Variants in RAP1GDS1 observed in about 807,000 individuals in gnomAD.
RAP1GDS1 encodes the protein Rap1 GTPase-GDP dissociation stimulator 1.
RAP1GDS1 carries 35 observed loss-of-function variants against 71.1 expected under a neutral mutation model. The observed-to-expected ratio is 0.49, with a 90% CI of 0.38 to 0.65. The LOEUF is 0.65. Ranked by LOEUF, RAP1GDS1 falls within the 30% of genes least tolerant of loss-of-function variation. The probability of loss-of-function intolerance (pLI) is 0.00; values close to 1 mark genes in which losing one functional copy is unlikely to be tolerated. For synonymous variants in RAP1GDS1, 229 were observed against 243.1 expected, an observed-to-expected ratio of 0.94 and a Z score of 0.54; for missense variants, 663 against 706.1, an observed-to-expected ratio of 0.94 and a Z score of 0.69.
At chr4:98,436,477 G>T (rs866399841) in intron 13 of RAP1GDS1, among the ~76,000 whole-genome samples, 13 of 152,106 alleles carry the variant, frequency 8.5e-5, no homozygotes, top group African/African-American at 3.1e-4. Flanking sequence ...AATCTTGCTA[G>T]GATTTTGATT....
intron 2 of RAP1GDS1, among the ~76,000 whole-genome samples, chr4:98,320,819 GA>G (rs1284562601): frequency 7.6e-6 from 1 of 132,198 alleles, no homozygotes; most frequent in African/African-American, 2.9e-5. Flanking sequence ...CAAAGATGGG[GA>G]AAAAACAGAA....
intron 1 of RAP1GDS1, among the ~76,000 whole-genome samples, chr4:98,272,310 G>A (rs961915949): frequency 6.6e-6 from 1 of 152,144 alleles, no homozygotes; most frequent in African/African-American, 2.4e-5. Flanking sequence ...TATTCCTGTA[G>A]CATTAAAATC....
At chr4:98,281,068 G>T (rs1223573090) in intron 1 of RAP1GDS1, among the ~76,000 whole-genome samples, 1 of 152,146 alleles carries the variant, frequency 6.6e-6, no homozygotes, top group Non-Finnish European at 1.5e-5. Context: ...TGTTCTTTTT[G>T]CATAGGATTG....
intron 11 of RAP1GDS1, among the ~76,000 whole-genome samples, chr4:98,420,562 T>G (rs1367145325): frequency 6.6e-6 from 1 of 152,012 alleles, no homozygotes; most frequent in African/African-American, 2.4e-5. Context: ...GACATGGGGC[T>G]TGTTGCTCAG....
chr4:98,281,530 A>G (rs925810634), intron 1 of RAP1GDS1, among the ~76,000 whole-genome samples: 18 of 152,058 alleles, frequency 1.2e-4, no homozygotes, highest in Admixed American at 1.2e-3. Flanking sequence ...GGGTTTTCTA[A>G]ATATACAATC....
chr4:98,381,882 T>A (rs1742076567), intron 5 of RAP1GDS1, among the ~76,000 whole-genome samples: 1 of 151,614 alleles, frequency 6.6e-6, no homozygotes, highest in Admixed American at 6.6e-5. Flanking sequence ...CCAACATAGT[T>A]TCCCTGAAGA....
intron 4 of RAP1GDS1, among the ~76,000 whole-genome samples, chr4:98,356,440 G>T (rs1236887281): frequency 6.6e-6 from 1 of 151,794 alleles, no homozygotes; most frequent in Non-Finnish European, 1.5e-5. Flanking sequence ...TAATTCCTGG[G>T]GATAAATTGG....
intron 7 of RAP1GDS1, among the ~76,000 whole-genome samples, chr4:98,406,670 G>T (rs1248368489): frequency 6.6e-6 from 1 of 151,892 alleles, no homozygotes; most frequent in East Asian, 1.9e-4. Context: ...TGATTTAATG[G>T]ACCTATTTTA....
intron 1 of RAP1GDS1, among the ~76,000 whole-genome samples, chr4:98,265,776 G>A (rs1207976092): frequency 6.6e-6 from 1 of 152,154 alleles, no homozygotes; most frequent in African/African-American, 2.4e-5. Flanking sequence ...TATATGGTTG[G>A]TTTTAAGAAA....
At chr4:98,337,279 A>G (rs1434569423) in intron 2 of RAP1GDS1, among the ~76,000 whole-genome samples, 1 of 152,162 alleles carries the variant, frequency 6.6e-6, no homozygotes, top group East Asian at 1.9e-4. Context: ...AGCTATCCCA[A>G]AATACTATAC....
At chr4:98,305,264 A>G (rs558090597) in intron 2 of RAP1GDS1, among the ~76,000 whole-genome samples, 103 of 152,212 alleles carry the variant, frequency 6.8e-4, no homozygotes, top group Non-Finnish European at 1.1e-3. Context: ...TTTGGGCAGT[A>G]TGGCCGTTTT....
chr4:98,271,041 G>A (rs898772860), intron 1 of RAP1GDS1, among the ~76,000 whole-genome samples: 1 of 152,048 alleles, frequency 6.6e-6, no homozygotes, highest in Non-Finnish European at 1.5e-5. Flanking sequence ...TATTGGTAAG[G>A]CTTCTGGTCA....
chr4:98,372,134 A>G (rs571285924), intron 4 of RAP1GDS1, among the ~76,000 whole-genome samples: 82 of 151,390 alleles, frequency 5.4e-4, no homozygotes, highest in Non-Finnish European at 1.0e-3. Context: ...GATTCTTCAC[A>G]TTTAGCTCCA....
intron 1 of RAP1GDS1, among the ~76,000 whole-genome samples, chr4:98,281,008 T>C (rs1412941828): frequency 6.6e-6 from 1 of 152,240 alleles, no homozygotes; most frequent in East Asian, 1.9e-4. Context: ...TTTTGGTTAC[T>C]GTAGCCTTGT....
At chr4:98,309,592 G>A (rs1729903295) in intron 2 of RAP1GDS1, among the ~76,000 whole-genome samples, 2 of 151,888 alleles carry the variant, frequency 1.3e-5, no homozygotes, top group African/African-American at 4.8e-5. Flanking sequence ...GGATAGCCAA[G>A]AAATGGAAAT....
chr4:98,333,146 T>C (rs1044777987), intron 2 of RAP1GDS1, among the ~76,000 whole-genome samples: 1 of 152,088 alleles, frequency 6.6e-6, no homozygotes, highest in Non-Finnish European at 1.5e-5. Context: ...CTTTCCTACT[T>C]ATTTTACTTA....
chr4:98,313,909 A>G (rs1730605795), intron 2 of RAP1GDS1, among the ~76,000 whole-genome samples: 1 of 152,138 alleles, frequency 6.6e-6, no homozygotes. Context: ...AAACCTCACA[A>G]GGAGGCTCCA....
chr4:98,433,412 A>T (rs1324839892), intron 12 of RAP1GDS1, among the ~76,000 whole-genome samples: 1 of 151,990 alleles, frequency 6.6e-6, no homozygotes, highest in Non-Finnish European at 1.5e-5. Context: ...CTCCCACCTC[A>T]GCACCCTGAG....
intron 12 of RAP1GDS1, among the ~76,000 whole-genome samples, chr4:98,428,074 C>G (rs761999508): frequency 1.2e-4 from 19 of 152,018 alleles, no homozygotes; most frequent in Non-Finnish European, 2.5e-4. Flanking sequence ...GCCAACTGAT[C>G]TTTGACAAAG....
Sources: allele counts gnomAD v4.1 joint callset (sites outside exome capture counted in the v4.1 genomes callset), GRCh38; gene constraint gnomAD v4.1.1; transcripts MANE v1.5; gene names NCBI Gene and HGNC (gene_info 2026-07-23, HGNC 2026-07-21).